TLL1: variants seen among roughly 807,000 people sequenced by gnomAD.
TLL1 encodes tolloid-like protein 1.
Under a neutral mutation model 128.2 loss-of-function variants are expected in TLL1, and 49 were observed. That is an observed-to-expected ratio of 0.38 (90% CI 0.30 to 0.48). The LOEUF (loss-of-function observed/expected upper bound fraction) is 0.48, where lower values mean the gene tolerates loss of function less well. TLL1 is among the 20% of genes least tolerant of loss of function. The probability of loss-of-function intolerance (pLI) is 0.96; values close to 1 mark genes in which losing one functional copy is unlikely to be tolerated. For synonymous variants in TLL1, 454 were observed against 418.8 expected, an observed-to-expected ratio of 1.08 and a Z score of -1.03; for missense variants, 1,123 against 1,242.0, an observed-to-expected ratio of 0.90 and a Z score of 1.44.
intron 9 of TLL1, among the ~76,000 whole-genome samples, chr4:166,026,759 A>G (rs759422122): frequency 6.6e-6 from 1 of 152,152 alleles, no homozygotes; most frequent in Non-Finnish European, 1.5e-5. Flanking sequence ...AAGATGAAGA[A>G]TAATAGAGAA....
intron 1 of TLL1, among the ~76,000 whole-genome samples, chr4:165,960,079 G>A (rs1735022088): frequency 6.6e-6 from 1 of 151,962 alleles, no homozygotes; most frequent in African/African-American, 2.4e-5. Context: ...AACAAGATTG[G>A]TAGATCACTA....
rs150548824 is a variant in TLL1 at position 166,089,783 on chromosome 4, A to G, written c.2443-1345A>G. Among the ~76,000 whole-genome samples the G allele has an allele frequency of 9.2e-3, 1,407 of 152,158 alleles. 26 individuals are homozygous for G. Among genetic ancestry groups the G allele is most frequent in the African/African-American group, 0.032 (1,316 of 41,542 alleles). ...ATTGGTTATAATTTTTTTTATTTCT[A>G]CTTTTTAAGTAGAGTGCAGTGGAAA... On this transcript the variant is annotated intron_variant, in intron 18 of 20. Coordinates refer to ENST00000061240, the MANE Select transcript of TLL1 (RefSeq NM_012464.5).
At chr4:165,886,986 A>G (rs1731188465) in intron 1 of TLL1, among the ~76,000 whole-genome samples, 1 of 152,198 alleles carries the variant, frequency 6.6e-6, no homozygotes, top group Admixed American at 6.6e-5. Context: ...TGAAGCTGTG[A>G]AAGTTCTTGA....
chr4:166,087,197 T>C (rs1023844154), intron 18 of TLL1, among the ~76,000 whole-genome samples: 1 of 152,176 alleles, frequency 6.6e-6, no homozygotes, highest in Non-Finnish European at 1.5e-5. Context: ...CTAATGTGCT[T>C]CTATCATTTT....
chr4:165,888,589 A>T (rs78494843), intron 1 of TLL1, among the ~76,000 whole-genome samples: 3 of 151,612 alleles, frequency 2.0e-5, no homozygotes, highest in African/African-American at 7.3e-5. Flanking sequence ...GCACAAGATC[A>T]CTTTAAACTA....
At chr4:166,046,372 A>T (rs1028842659) in intron 12 of TLL1, among the ~76,000 whole-genome samples, 3 of 152,192 alleles carry the variant, frequency 2.0e-5, no homozygotes, top group Non-Finnish European at 4.4e-5. Context: ...CAAGAAATTC[A>T]CAAGTCACAG....
intron 1 of TLL1, among the ~76,000 whole-genome samples, chr4:165,899,971 A>G (rs576734615): frequency 6.6e-6 from 1 of 151,522 alleles, no homozygotes; most frequent in African/African-American, 2.4e-5. Context: ...CCATTATGTA[A>G]TGCCTTTCTT....
intron 5 of TLL1, among the ~76,000 whole-genome samples, chr4:165,995,465 A>G (rs770942373): frequency 7.2e-5 from 11 of 152,198 alleles, no homozygotes; most frequent in Non-Finnish European, 1.6e-4. Flanking sequence ...ATAGTCAACT[A>G]GGGATTCTGT....
At chr4:165,979,868 T>C (rs1198123476) in intron 1 of TLL1, among the ~76,000 whole-genome samples, 1 of 152,122 alleles carries the variant, frequency 6.6e-6, no homozygotes, top group Non-Finnish European at 1.5e-5. Context: ...AACTCCGTGG[T>C]GAATATGCTT....
At chr4:166,089,767 A>C (rs1308356971) in intron 18 of TLL1, among the ~76,000 whole-genome samples, 1 of 152,130 alleles carries the variant, frequency 6.6e-6, no homozygotes, top group Non-Finnish European at 1.5e-5. Context: ...TATTGGTTAT[A>C]ATTTTTTTTA....
At chr4:165,880,661 C>T (rs1283916996) in intron 1 of TLL1, among the ~76,000 whole-genome samples, 3 of 152,010 alleles carry the variant, frequency 2.0e-5, no homozygotes, top group African/African-American at 4.8e-5. Flanking sequence ...GGAGTTGTTA[C>T]GGAGGTGGAG....
chr4:166,041,362 G>A (rs1274811899), intron 10 of TLL1, among the ~76,000 whole-genome samples: 9 of 148,496 alleles, frequency 6.1e-5, no homozygotes, highest in African/African-American at 2.2e-4. Context: ...GTGCAGTGGT[G>A]CCATCTCGGC....
chr4:166,064,737 T>C (rs915719490), intron 15 of TLL1, among the ~76,000 whole-genome samples: 10 of 152,110 alleles, frequency 6.6e-5, no homozygotes, highest in African/African-American at 1.9e-4. Context: ...TTATACTATA[T>C]TGGAACTCTC....
At chr4:165,935,741 C>A (rs1733733785) in intron 1 of TLL1, among the ~76,000 whole-genome samples, 1 of 152,178 alleles carries the variant, frequency 6.6e-6, no homozygotes, top group Non-Finnish European at 1.5e-5. Flanking sequence ...TTTTAGAAAT[C>A]TGATGTCTTT....
At chr4:166,027,862 A>T (rs1234504758) in intron 9 of TLL1, among the ~76,000 whole-genome samples, 1 of 152,158 alleles carries the variant, frequency 6.6e-6, no homozygotes, top group Non-Finnish European at 1.5e-5. Context: ...TCTCGCCATT[A>T]GCATTGAGCT....
At chr4:165,932,245 A>G (rs557370373) in intron 1 of TLL1, among the ~76,000 whole-genome samples, 1 of 152,150 alleles carries the variant, frequency 6.6e-6, no homozygotes, top group Non-Finnish European at 1.5e-5. Flanking sequence ...TGTTTCAGCT[A>G]TTTGACATGT....
chr4:165,881,073 T>C (rs1730947292), intron 1 of TLL1, among the ~76,000 whole-genome samples: 1 of 152,246 alleles, frequency 6.6e-6, no homozygotes, highest in African/African-American at 2.4e-5. Context: ...ACCTAATAGT[T>C]GAGGCTTATG....
At chr4:166,010,937 G>T (rs904221708) in intron 7 of TLL1, among the ~76,000 whole-genome samples, 1 of 150,664 alleles carries the variant, frequency 6.6e-6, no homozygotes, top group Non-Finnish European at 1.5e-5. Flanking sequence ...TGACACCCTT[G>T]TCAAAGATAA....
At chr4:165,943,378 A>G (rs72972228) in intron 1 of TLL1, among the ~76,000 whole-genome samples, 5,438 of 152,106 alleles carry the variant, frequency 0.036, 291 homozygotes, top group African/African-American at 0.12. Context: ...AAACCTTCTG[A>G]GAGAGCCTTG....
Sources: allele counts gnomAD v4.1 joint callset (sites outside exome capture counted in the v4.1 genomes callset), GRCh38; gene constraint gnomAD v4.1.1; transcripts MANE v1.5; gene names NCBI Gene and HGNC (gene_info 2026-07-23, HGNC 2026-07-21).